Variants in TEC observed in about 807,000 individuals in gnomAD.
TEC encodes the protein tec protein tyrosine kinase.
Under a neutral mutation model 93.0 loss-of-function variants are expected in TEC, and 72 were observed. The observed-to-expected ratio is 0.77, with a 90% CI of 0.64 to 0.94. TEC has a LOEUF of 0.94. TEC is among the 40% of genes least tolerant of loss of function. The pLI is 0.00. For missense variants in TEC, 630 were observed against 757.9 expected (o/e 0.83, Z 1.98); for synonymous variants, 249 against 247.7 (o/e 1.01, Z -0.05).
intron 9 of TEC, among the ~76,000 whole-genome samples, chr4:48,151,192 C>G (rs1720149759): frequency 6.6e-6 from 1 of 152,170 alleles, no homozygotes; most frequent in African/African-American, 2.4e-5. Flanking sequence ...CACAAATCCT[C>G]ATGAATGGTG....
chr4:48,234,072 A>G (rs1017365948), intron 1 of TEC, among the ~76,000 whole-genome samples: 1 of 152,234 alleles, frequency 6.6e-6, no homozygotes, highest in African/African-American at 2.4e-5. Flanking sequence ...GCTTAAATGT[A>G]AGTTTCATTG....
chr4:48,252,916 C>T (rs1360048578), intron 1 of TEC, among the ~76,000 whole-genome samples: 6 of 152,150 alleles, frequency 3.9e-5, no homozygotes, highest in Non-Finnish European at 5.9e-5. Flanking sequence ...AATGAATGAA[C>T]AAATGAATGA....
At chr4:48,175,859 T>C (rs966710216) in intron 3 of TEC, among the ~76,000 whole-genome samples, 3 of 152,196 alleles carry the variant, frequency 2.0e-5, no homozygotes, top group Admixed American at 2.0e-4. Flanking sequence ...CTCAGATTCA[T>C]AGGGAACACT....
intron 2 of TEC, among the ~76,000 whole-genome samples, chr4:48,203,107 T>C: frequency 6.6e-6 from 1 of 152,142 alleles, no homozygotes; most frequent in East Asian, 1.9e-4. Context: ...CTCACACCTG[T>C]AATCTCAACA....
intron 2 of TEC, among the ~76,000 whole-genome samples, chr4:48,205,607 A>G (rs918798869): frequency 6.6e-6 from 1 of 152,220 alleles, no homozygotes; most frequent in Non-Finnish European, 1.5e-5. Flanking sequence ...AAAGTTGCTC[A>G]ATGGTATTAG....
At chr4:48,167,321 T>C (rs1379854930) in intron 7 of TEC, among the ~76,000 whole-genome samples, 1 of 151,936 alleles carries the variant, frequency 6.6e-6, no homozygotes, top group Non-Finnish European at 1.5e-5. Context: ...CTCCATATAT[T>C]CATGGAGAGA....
chr4:48,202,554 A>G (rs941090562), intron 2 of TEC, among the ~76,000 whole-genome samples: 6 of 150,102 alleles, frequency 4.0e-5, no homozygotes, highest in African/African-American at 7.4e-5. Flanking sequence ...TGGCAGAAGG[A>G]AAAAAAAAAT....
intron 2 of TEC, among the ~76,000 whole-genome samples, chr4:48,179,364 ATATATATATATATTTT>A (rs1443172919): frequency 1.4e-4 from 5 of 36,858 alleles, no homozygotes; most frequent in African/African-American, 4.9e-4. Context: ...ATATATATAT[ATATATATATATATTTT>A]TTTTTTTTTT....
At chr4:48,185,621 A>G (rs1182862949) in intron 2 of TEC, among the ~76,000 whole-genome samples, 1 of 152,226 alleles carries the variant, frequency 6.6e-6, no homozygotes, top group Non-Finnish European at 1.5e-5. Flanking sequence ...TTTTACACTA[A>G]GGAGAAAAAG....
chr4:48,199,565 C>G (rs911332426), intron 2 of TEC, among the ~76,000 whole-genome samples: 2 of 134,596 alleles, frequency 1.5e-5, no homozygotes, highest in South Asian at 5.2e-4. Flanking sequence ...CTCCCAGATT[C>G]AAGCAATTCT....
chr4:48,215,871 G>C (rs143021087), intron 2 of TEC, among the ~76,000 whole-genome samples: 2 of 152,224 alleles, frequency 1.3e-5, no homozygotes, highest in Middle Eastern at 3.4e-3. Context: ...AGAAATATTC[G>C]ATATGAGCTT....
At chr4:48,201,736 T>C (rs1722516310) in intron 2 of TEC, among the ~76,000 whole-genome samples, 1 of 152,112 alleles carries the variant, frequency 6.6e-6, no homozygotes, top group Non-Finnish European at 1.5e-5. Flanking sequence ...CAGAATGTTA[T>C]GAGTCTGGTG....
intron 2 of TEC, among the ~76,000 whole-genome samples, chr4:48,188,555 A>G (rs183497060): frequency 2.0e-5 from 3 of 152,274 alleles, no homozygotes; most frequent in Non-Finnish European, 4.4e-5. Flanking sequence ...TAATTTAACA[A>G]TTCAAGTGTT....
At chr4:48,167,200 C>G (rs1447822936) in intron 7 of TEC, among the ~76,000 whole-genome samples, 1 of 152,032 alleles carries the variant, frequency 6.6e-6, no homozygotes, top group East Asian at 1.9e-4. Flanking sequence ...CAAAAAAAAG[C>G]TTGCTGTTTA....
rs765779795 is a variant in TEC at position 48,149,590 on chromosome 4, C to T, written c.973G>A (p.Glu325Lys). 2 of 1,611,890 alleles carry T rather than the reference C, an allele frequency of 1.2e-6. No homozygotes were observed. Among genetic ancestry groups the T allele is most frequent in the South Asian group, 1.1e-5 (1 of 90,618 alleles). ...TTGTGCTTATGATATTCAATAATCT[C>T]AGGAATGGAGCCAAAAGCATGTTTT... ...AEKHAFGSIPEIIEYHKHNAA... is the reference protein window; with the variant it reads ...AEKHAFGSIPKIIEYHKHNAA... Residue 325 changes from glutamate to lysine, a missense_variant, in exon 11 of 18, where the codon GAG becomes AAG. By Grantham distance (56) the Glu-to-Lys change is moderately conservative (BLOSUM62 1). Coordinates refer to ENST00000381501, the MANE Select transcript of TEC (RefSeq NM_003215.3).
chr4:48,196,479 G>C (rs1722305495), intron 2 of TEC, among the ~76,000 whole-genome samples: 1 of 152,226 alleles, frequency 6.6e-6, no homozygotes, highest in African/African-American at 2.4e-5. Flanking sequence ...GTCAATTCAT[G>C]TAAAGCTTTT....
chr4:48,191,324 A>G (rs1722086459), intron 2 of TEC, among the ~76,000 whole-genome samples: 2 of 152,162 alleles, frequency 1.3e-5, no homozygotes, highest in African/African-American at 2.4e-5. Context: ...CTTTTTTCCC[A>G]TATAAACAGC....
chr4:48,148,309 T>C (rs1247084221), intron 11 of TEC, among the ~76,000 whole-genome samples: 1 of 152,160 alleles, frequency 6.6e-6, no homozygotes, highest in African/African-American at 2.4e-5. Flanking sequence ...CACAAAATAA[T>C]AGGCTTTGCA....
At chr4:48,142,400 G>A (rs900782197) in intron 14 of TEC, among the ~76,000 whole-genome samples, 1 of 152,138 alleles carries the variant, frequency 6.6e-6, no homozygotes, top group Non-Finnish European at 1.5e-5. Flanking sequence ...TTGAACCCAT[G>A]AGGTGGAGGT....
Sources: gnomAD v4.1 joint callset for allele counts (sites outside exome capture counted in the v4.1 genomes callset) on GRCh38, gnomAD v4.1.1 for gene constraint, MANE v1.5 for transcripts, NCBI Gene and HGNC (gene_info 2026-07-23, HGNC 2026-07-21) for gene names.